The following RMDN1 variants were observed in gnomAD, a reference collection of about 807,000 sequenced individuals.
RMDN1 encodes the protein regulator of microtubule dynamics 1.
RMDN1 carries 48 observed loss-of-function variants against 48.9 expected under a neutral mutation model. That is an observed-to-expected ratio of 0.98 (90% CI 0.78 to 1.25). The LOEUF is 1.25. RMDN1 is among the 50% of genes most tolerant of loss of function. The probability of loss-of-function intolerance (pLI) is 0.00; values close to 1 mark genes in which losing one functional copy is unlikely to be tolerated. For synonymous variants in RMDN1, 148 were observed against 132.6 expected (o/e 1.12, Z -0.80); for missense variants, 418 against 373.4 (o/e 1.12, Z -0.98).
At chr8:86,471,793 A>G (rs1267065410), downstream of RMDN1, among the ~76,000 whole-genome samples, 3 of 152,230 alleles carry the variant, frequency 2.0e-5, no homozygotes, top group Admixed American at 6.5e-5. Flanking sequence ...AAGTTGGAAC[A>G]GCGGTTCTCA....
intron 2 of RMDN1, among the ~76,000 whole-genome samples, chr8:86,500,867 T>TA (rs1447930563): frequency 2.0e-5 from 3 of 152,252 alleles, no homozygotes; most frequent in East Asian, 1.9e-4. Context: ...AAGCCATTTT[T>TA]AAAAAAACCC....
rs996291677 is a variant in RMDN1, at chr8:86,473,847, T to C, written c.*461A>G. On this transcript the variant is annotated 3_prime_UTR_variant, in exon 10 of 10. Transcript: ENST00000406452. ...ACTTACACAGGTTAGCTCCAAGATATATCATTTAACTACTTTATGTCAGGA... is the reference window on the plus strand; with the variant it reads ...ACTTACACAGGTTAGCTCCAAGATACATCATTTAACTACTTTATGTCAGGA... 14 of 988,020 alleles carry C rather than the reference T, an allele frequency of 1.4e-5. No homozygotes were observed. Among genetic ancestry groups the C allele is most frequent in the Non-Finnish European group, 1.4e-5 (12 of 831,692 alleles). The allele number at this position is 988,020 out of a possible 1,614,324, so 61.2% of individuals were successfully genotyped here. A position where few individuals can be genotyped will look rare whatever the true frequency, so the allele number is the denominator to read the frequency against.
chr8:86,508,389 C>T, intron 1 of RMDN1, 103 bp downstream of exon 1: 1 of 1,318,050 alleles, frequency 7.6e-7, no homozygotes, highest in Non-Finnish European at 1.0e-6. Context: ...CCTCGGTTCA[C>T]CACATTCCTT....
Position 86,508,399 on chromosome 8 carries a change from T to C in RMDN1, c.129+93A>G, listed in dbSNP as rs565465764. 9.5e-4 allele frequency: 1,306 copies of C among 1,368,554 alleles called. 10 individuals carry two copies. The South Asian group carries it at 9.6e-3, about 10-fold the overall frequency. 84.8% of individuals were successfully genotyped at this position (1,368,554 alleles called of 1,614,324 possible). A position where few individuals can be genotyped will look rare whatever the true frequency, so the allele number is the denominator to read the frequency against. ...TCTTTCCTCGGTTCACCACATTCCT[T>C]AGGCAGCGCGGGGCCGCCACCACTT... On this transcript the variant is annotated intron_variant, in intron 1 of 9. Transcript: ENST00000406452.
intron 6 of RMDN1, among the ~76,000 whole-genome samples, chr8:86,480,057 C>A (rs1370837106): frequency 6.6e-6 from 1 of 152,008 alleles, no homozygotes; most frequent in African/African-American, 2.4e-5. Flanking sequence ...GTACATGTTT[C>A]TAAATGACCT....
intron 2 of RMDN1, among the ~76,000 whole-genome samples, chr8:86,502,965 G>A (rs1242436822): frequency 6.6e-6 from 1 of 152,024 alleles, no homozygotes; most frequent in Non-Finnish European, 1.5e-5. Context: ...TAATTTCTAG[G>A]AAAAAATATA....
At chr8:86,504,820 T>TA (rs1237182573) in intron 2 of RMDN1, 1 of 1,039,284 alleles carries the variant, frequency 9.6e-7, no homozygotes. Context: ...TCCAACTTCT[T>TA]AGTCGGACTG....
At chr8:86,488,220 T>G (rs1032730270) in intron 3 of RMDN1, among the ~76,000 whole-genome samples, 2 of 152,108 alleles carry the variant, frequency 1.3e-5, no homozygotes, top group African/African-American at 4.8e-5. Context: ...AAAGTTACTT[T>G]AAAAGAAAAA....
chr8:86,508,727 C>CTGCACAGCACCTCTTCCGCCTCG (rs1382884991), upstream of RMDN1: 1 of 1,408,676 alleles, frequency 7.1e-7, no homozygotes. Flanking sequence ...CGCCCGCCTC[C>CTGCACAGCACCTCTTCCGCCTCG]TGCACAGCAC....
At chr8:86,511,704 G>C (rs1820051528), upstream of RMDN1, among the ~76,000 whole-genome samples, 1 of 151,912 alleles carries the variant, frequency 6.6e-6, no homozygotes, top group Non-Finnish European at 1.5e-5. Flanking sequence ...CCAGCTACTG[G>C]CTGAGGTGGG....
chr8:86,508,729 G>GCACAGCACCTCTTCCGCCTCCTA (rs1643864741), upstream of RMDN1: 1 of 1,407,304 alleles, frequency 7.1e-7, no homozygotes, highest in Non-Finnish European at 9.2e-7. Context: ...CCCGCCTCCT[G>GCACAGCACCTCTTCCGCCTCCTA]CACAGCACCT....
At chr8:86,511,564 C>G (rs533106355), upstream of RMDN1, among the ~76,000 whole-genome samples, 1 of 152,188 alleles carries the variant, frequency 6.6e-6, no homozygotes, top group South Asian at 2.1e-4. Context: ...AATCCCAGCA[C>G]TTTGAGAGGC....
At chr8:86,501,783 T>A (rs1818275773) in intron 2 of RMDN1, among the ~76,000 whole-genome samples, 1 of 152,170 alleles carries the variant, frequency 6.6e-6, no homozygotes, top group Non-Finnish European at 1.5e-5. Flanking sequence ...TTGTCCTAAC[T>A]ATTTTATAAG....
intron 2 of RMDN1, chr8:86,503,731 C>A (rs1818796128): frequency 4.2e-6 from 2 of 479,594 alleles, no homozygotes; most frequent in Non-Finnish European, 8.3e-6. Flanking sequence ...AGGCAAATAT[C>A]CCTCCCTCTG....
intron 1 of RMDN1, among the ~76,000 whole-genome samples, chr8:86,507,776 G>T (rs981446890): frequency 6.6e-6 from 1 of 152,110 alleles, no homozygotes; most frequent in South Asian, 2.1e-4. Context: ...CAAGGAAGGG[G>T]AATATGCCAA....
At position 86,473,364 on chromosome 8, in the gene RMDN1, A is replaced by ATCT. The variant is rs150047342; in HGVS notation, c.*941_*943dup. ...AGCATAGTCCTGCCTATTTAAAAAC[A>ATCT]TCTTAGTATTCCATTTCACTCTTAA... On this transcript the variant is annotated 3_prime_UTR_variant, in exon 10 of 10. Coordinates refer to ENST00000406452, the MANE Select transcript of RMDN1 (RefSeq NM_016033.3). The ATCT allele has an allele frequency of 6.6e-4, 646 of 985,462 alleles. 3 individuals carry two copies. The African/African-American group carries it at 0.011, about 16-fold the overall frequency. The allele number at this position is 985,462 out of a possible 1,614,324, so 61.0% of individuals were successfully genotyped here. A position where few individuals can be genotyped will look rare whatever the true frequency, so the allele number is the denominator to read the frequency against.
chr8:86,482,929 G>A (rs1814786393), intron 5 of RMDN1: 6 of 855,166 alleles, frequency 7.0e-6, no homozygotes, highest in Admixed American at 1.7e-5. Context: ...TTCCTCCAGA[G>A]GCAGGTGGGC....
At chr8:86,504,007 G>A (rs916503166) in intron 2 of RMDN1, 1 of 779,708 alleles carries the variant, frequency 1.3e-6, no homozygotes, top group East Asian at 2.4e-5. Flanking sequence ...GTACATTGGA[G>A]AGATCTCAGC....
intron 5 of RMDN1, among the ~76,000 whole-genome samples, chr8:86,480,896 G>C (rs1340283655): frequency 1.3e-5 from 2 of 152,078 alleles, no homozygotes; most frequent in Non-Finnish European, 1.5e-5. Flanking sequence ...AAAATAAACA[G>C]TTTATAGAAT....
Sources: allele counts gnomAD v4.1 joint callset (sites outside exome capture counted in the v4.1 genomes callset), GRCh38; gene constraint gnomAD v4.1.1; transcripts MANE v1.5; gene names NCBI Gene and HGNC (gene_info 2026-07-23, HGNC 2026-07-21).